The following PHTF2 variants were observed in gnomAD, a reference collection of about 807,000 sequenced individuals.
PHTF2 encodes the protein putative homeodomain transcription factor 2.
In PHTF2, 60 loss-of-function variants were observed where a neutral mutation model predicts 101.2. The ratio of observed to expected loss-of-function variants is 0.59; its 90% confidence interval spans 0.48 to 0.73. PHTF2 has a LOEUF of 0.73. PHTF2 is among the 30% of genes least tolerant of loss of function. The probability of loss-of-function intolerance (pLI) is 0.00; values close to 1 mark genes in which losing one functional copy is unlikely to be tolerated. For synonymous variants in PHTF2, 311 were observed against 307.3 expected, an observed-to-expected ratio of 1.01 and a Z score of -0.13; for missense variants, 747 against 908.7, an observed-to-expected ratio of 0.82 and a Z score of 2.29.
At chr7:77,910,141 TA>T (rs1442701161) in intron 8 of PHTF2, 103 bp from the exon 8 acceptor site, 1 of 796,092 alleles carries the variant, frequency 1.3e-6, no homozygotes, top group Admixed American at 3.0e-5. Context: ...ATGTGTTAAG[TA>T]AAGTTCCTGT....
chr7:77,892,219 G>C (rs1044149070), intron 3 of PHTF2, among the ~76,000 whole-genome samples: 1 of 152,192 alleles, frequency 6.6e-6, no homozygotes, highest in Non-Finnish European at 1.5e-5. Context: ...GAACCCAGGA[G>C]GCGGAGGTTG....
chr7:77,841,372 G>A (rs1047277113), intron 2 of PHTF2, among the ~76,000 whole-genome samples: 1 of 151,950 alleles, frequency 6.6e-6, no homozygotes, highest in Non-Finnish European at 1.5e-5. Context: ...GAGCCACCGC[G>A]CCCAGCCAAA....
At chr7:77,937,190 G>A (rs746720776) in intron 12 of PHTF2, among the ~76,000 whole-genome samples, 2 of 151,828 alleles carry the variant, frequency 1.3e-5, no homozygotes, top group Non-Finnish European at 2.9e-5. Flanking sequence ...AGTCTTTTTT[G>A]GGATAAGACT....
chr7:77,868,338 T>TA (rs1798240895), intron 3 of PHTF2, among the ~76,000 whole-genome samples: 1 of 143,528 alleles, frequency 7.0e-6, no homozygotes, highest in Non-Finnish European at 1.5e-5. Flanking sequence ...TTTTTTTTTT[T>TA]TTTTTTTTTT....
chr7:77,817,839 G>T (rs1269566610), intron 1 of PHTF2, among the ~76,000 whole-genome samples: 1 of 152,156 alleles, frequency 6.6e-6, no homozygotes, highest in Admixed American at 6.5e-5. Flanking sequence ...GCCGGGTGCG[G>T]TGGCTCATGC....
At chr7:77,847,998 A>G (rs572324230) in intron 2 of PHTF2, among the ~76,000 whole-genome samples, 3 of 152,240 alleles carry the variant, frequency 2.0e-5, no homozygotes, top group East Asian at 3.9e-4. Flanking sequence ...ACTTAATATA[A>G]TGTCCTCCAG....
intron 1 of PHTF2, among the ~76,000 whole-genome samples, chr7:77,820,309 TA>T (rs1445671498): frequency 6.6e-6 from 1 of 152,214 alleles, no homozygotes; most frequent in Non-Finnish European, 1.5e-5. Context: ...CTAGTTTCTC[TA>T]GGTGTTCAAA....
intron 12 of PHTF2, among the ~76,000 whole-genome samples, chr7:77,932,613 AGAGAGAGAGTGT>A (rs1311680139): frequency 3.6e-5 from 4 of 111,758 alleles, no homozygotes; most frequent in African/African-American, 1.4e-4. Flanking sequence ...AGAGAGAGAG[AGAGAGAGAGTGT>A]GTGTGTGTGT....
intron 1 of PHTF2, among the ~76,000 whole-genome samples, chr7:77,812,486 A>G (rs1020203407): frequency 6.6e-6 from 1 of 152,208 alleles, no homozygotes; most frequent in Admixed American, 6.5e-5. Flanking sequence ...TAAGTATGCT[A>G]TATTTAGTGG....
chr7:77,823,921 T>C (rs1794503472), intron 1 of PHTF2, among the ~76,000 whole-genome samples: 2 of 152,352 alleles, frequency 1.3e-5, no homozygotes, highest in South Asian at 4.1e-4. Flanking sequence ...TAGAGATTTT[T>C]AAGTGATGAG....
intron 12 of PHTF2, among the ~76,000 whole-genome samples, chr7:77,934,322 T>G (rs1804884341): frequency 6.6e-6 from 1 of 152,244 alleles, no homozygotes; most frequent in Non-Finnish European, 1.5e-5. Flanking sequence ...AAGAAAATTT[T>G]TCTCCTATAG....
chr7:77,918,310 C>T (rs1803122746), intron 9 of PHTF2, among the ~76,000 whole-genome samples: 1 of 152,070 alleles, frequency 6.6e-6, no homozygotes, highest in Non-Finnish European at 1.5e-5. Flanking sequence ...CCTCCAGGCT[C>T]ATGTTTTCAG....
intron 11 of PHTF2, among the ~76,000 whole-genome samples, chr7:77,927,457 G>A (rs1033580442): frequency 4.0e-5 from 6 of 151,790 alleles, no homozygotes; most frequent in Non-Finnish European, 7.4e-5. Context: ...TTAGCCAGTC[G>A]CAGTGGCATG....
intron 7 of PHTF2, among the ~76,000 whole-genome samples, chr7:77,908,422 T>C (rs958874816): frequency 2.0e-5 from 3 of 152,344 alleles, no homozygotes; most frequent in Non-Finnish European, 2.9e-5. Context: ...GATACACTTA[T>C]CATAAGATTT....
intron 1 of PHTF2, among the ~76,000 whole-genome samples, chr7:77,829,903 T>C (rs1794952091): frequency 6.6e-6 from 1 of 152,232 alleles, no homozygotes; most frequent in African/African-American, 2.4e-5. Context: ...TTATTATACT[T>C]CATGATATCT....
intron 5 of PHTF2, chr7:77,895,833 C>T (rs1185869208): frequency 3.9e-5 from 6 of 151,980 alleles, no homozygotes; most frequent in Non-Finnish European, 8.8e-5. Flanking sequence ...AAGATGATAC[C>T]TTGTAATAGT....
chr7:77,949,743 C>T, exon 17 of PHTF2: 2 of 1,554,884 alleles, frequency 1.3e-6, no homozygotes, highest in Non-Finnish European at 1.8e-6. Context: ...TCTGGTGCAT[C>T]TCGTTAACAC....
At chr7:77,813,100 G>A (rs1441334935) in intron 1 of PHTF2, among the ~76,000 whole-genome samples, 1 of 152,134 alleles carries the variant, frequency 6.6e-6, no homozygotes, top group African/African-American at 2.4e-5. Flanking sequence ...TTTTAAACCA[G>A]GCCTTCAAGC....
chr7:77,836,343 T>G (rs1307734962), intron 1 of PHTF2, among the ~76,000 whole-genome samples: 2 of 152,096 alleles, frequency 1.3e-5, no homozygotes, highest in African/African-American at 4.8e-5. Flanking sequence ...ATAACTTTTA[T>G]TGAAAAAATC....
Sources: gnomAD v4.1 joint callset for allele counts (sites outside exome capture counted in the v4.1 genomes callset) on GRCh38, gnomAD v4.1.1 for gene constraint, MANE v1.5 for transcripts, NCBI Gene and HGNC (gene_info 2026-07-23, HGNC 2026-07-21) for gene names.